Variants in SUSD4 observed in about 807,000 individuals in gnomAD.
SUSD4 encodes sushi domain containing 4, also known as sushi domain-containing protein 4.
Under a neutral mutation model 50.5 loss-of-function variants are expected in SUSD4, and 41 were observed. The observed-to-expected ratio is 0.81, with a 90% CI of 0.63 to 1.05. SUSD4 has a LOEUF of 1.05. SUSD4 is among the 50% of genes least tolerant of loss of function. The probability of loss-of-function intolerance (pLI) is 0.00; values close to 1 mark genes in which losing one functional copy is unlikely to be tolerated. For missense variants in SUSD4, 580 were observed against 634.7 expected, an observed-to-expected ratio of 0.91 and a Z score of 0.93; for synonymous variants, 257 against 257.3, an observed-to-expected ratio of 1.00 and a Z score of 0.01.
At chr1:223,304,757 G>A (rs376931627) in intron 2 of SUSD4, among the ~76,000 whole-genome samples, 9 of 128,714 alleles carry the variant, frequency 7.0e-5, no homozygotes, top group African/African-American at 2.5e-4. Flanking sequence ...GTGTAACTCT[G>A]GGTAAGTTCC....
intron 5 of SUSD4, chr1:223,264,111 A>T (rs1162391120): frequency 1.0e-6 from 1 of 985,340 alleles, no homozygotes; most frequent in Non-Finnish European, 1.2e-6. Flanking sequence ...ACTACTGATT[A>T]GTGGTCTTTC....
chr1:223,360,750 C>G (rs1310604979), intron 2 of SUSD4, among the ~76,000 whole-genome samples: 2 of 151,910 alleles, frequency 1.3e-5, no homozygotes, highest in African/African-American at 4.8e-5. Flanking sequence ...TGAAAGCAAT[C>G]AAAAATGAAA....
In SUSD4 at chr1:223,221,154, G is replaced by A. The variant is rs1351451242; in HGVS notation, c.*1038C>T. ...TCTGGGCTGGGAGGCCAGCCTCCTG[G>A]AATCTTAGGACAAATAAAAGGGGGA... On this transcript the variant is annotated 3_prime_UTR_variant, in exon 9 of 9. Coordinates refer to ENST00000366878, the MANE Select transcript of SUSD4 (RefSeq NM_017982.4). 2.5e-6 allele frequency: 1 copy of A among 400,816 alleles called. No individual in the cohort carries two copies. The highest frequency in any genetic ancestry group is 4.4e-5 in the Admixed American group (1 of 22,752). 24.8% of individuals were successfully genotyped at this position (400,816 alleles called of 1,614,324 possible). A position where few individuals can be genotyped will look rare whatever the true frequency, so the allele number is the denominator to read the frequency against.
intron 2 of SUSD4, among the ~76,000 whole-genome samples, chr1:223,311,312 C>G (rs1350674796): frequency 6.6e-6 from 1 of 152,180 alleles, no homozygotes; most frequent in Admixed American, 6.5e-5. Flanking sequence ...TGACGAAATA[C>G]CACCAGTTCC....
chr1:223,354,799 T>C (rs545630677), intron 2 of SUSD4, among the ~76,000 whole-genome samples: 2 of 152,334 alleles, frequency 1.3e-5, no homozygotes, highest in African/African-American at 4.8e-5. Flanking sequence ...GTTTCTTGCC[T>C]GGAGAAAATC....
intron 2 of SUSD4, among the ~76,000 whole-genome samples, chr1:223,300,899 C>T (rs1259355237): frequency 6.6e-6 from 1 of 152,070 alleles, no homozygotes. Flanking sequence ...GAGGAGGACA[C>T]TGAGGCTGTG....
chr1:223,321,282 A>G (rs1302224648), intron 2 of SUSD4, among the ~76,000 whole-genome samples: 1 of 152,238 alleles, frequency 6.6e-6, no homozygotes, highest in Non-Finnish European at 1.5e-5. Context: ...ACAGATGCAG[A>G]GACCTGCATG....
intron 3 of SUSD4, among the ~76,000 whole-genome samples, chr1:223,277,583 T>G (rs924278084): frequency 6.6e-6 from 1 of 152,088 alleles, no homozygotes; most frequent in African/African-American, 2.4e-5. Context: ...CCCAGAACAA[T>G]TAAAATAGAG....
intron 2 of SUSD4, among the ~76,000 whole-genome samples, chr1:223,319,136 C>G (rs1666419590): frequency 1.8e-5 from 1 of 56,146 alleles, no homozygotes; most frequent in Admixed American, 2.3e-4. Flanking sequence ...TTCCTTACAC[C>G]TTATACAAAA....
Position 223,222,173 on chromosome 1 carries a change from A to G in SUSD4, c.*19T>C, listed in dbSNP as rs1222545974. On this transcript the variant is annotated 3_prime_UTR_variant, in exon 9 of 9. Coordinates refer to ENST00000366878, the MANE Select transcript of SUSD4 (RefSeq NM_017982.4). ...CTTTCCCCGAAGGAGCAGGAGAGTC[A>G]TCTGGATCTTGACCCATATTAGGGA... is the stretch of plus-strand genomic sequence containing the variant. 6.2e-7 allele frequency: 1 copy of G among 1,612,990 alleles called. No individual in the cohort carries two copies. Among genetic ancestry groups the G allele is most frequent in the Non-Finnish European group, 8.5e-7 (1 of 1,179,510 alleles).
At chr1:223,327,959 C>A (rs1377074155) in intron 2 of SUSD4, among the ~76,000 whole-genome samples, 1 of 152,112 alleles carries the variant, frequency 6.6e-6, no homozygotes, top group Non-Finnish European at 1.5e-5. Flanking sequence ...GGAAAGAGTA[C>A]AGTAGGGAGA....
At chr1:223,302,425 C>T (rs1450775619) in intron 2 of SUSD4, among the ~76,000 whole-genome samples, 1 of 152,102 alleles carries the variant, frequency 6.6e-6, no homozygotes, top group East Asian at 1.9e-4. Flanking sequence ...GTATCTAGAC[C>T]AAGGCATCAG....
intron 2 of SUSD4, among the ~76,000 whole-genome samples, chr1:223,338,240 A>G (rs913906991): frequency 5.3e-5 from 8 of 152,208 alleles, no homozygotes; most frequent in Non-Finnish European, 8.8e-5. Context: ...TGGACTGAAA[A>G]TAATACAAGG....
intron 3 of SUSD4, among the ~76,000 whole-genome samples, chr1:223,284,648 C>A (rs1436900345): frequency 6.6e-6 from 1 of 152,102 alleles, no homozygotes; most frequent in Non-Finnish European, 1.5e-5. Context: ...AACTGTGGTA[C>A]ATAAATGCCA....
At chr1:223,338,892 C>T (rs1348097263) in intron 2 of SUSD4, among the ~76,000 whole-genome samples, 1 of 152,164 alleles carries the variant, frequency 6.6e-6, no homozygotes, top group African/African-American at 2.4e-5. Flanking sequence ...CATCTATGTC[C>T]TCATCAGAAC....
intron 4 of SUSD4, among the ~76,000 whole-genome samples, chr1:223,266,875 G>A (rs1662525931): frequency 6.6e-6 from 1 of 152,222 alleles, no homozygotes; most frequent in Non-Finnish European, 1.5e-5. Context: ...AGCAGCCAGT[G>A]AGCAACACTG....
chr1:223,362,619 A>T (rs1669048270), intron 2 of SUSD4, among the ~76,000 whole-genome samples: 1 of 152,218 alleles, frequency 6.6e-6, no homozygotes, highest in Non-Finnish European at 1.5e-5. Flanking sequence ...TCTACTTCAT[A>T]GAAGAGCAAC....
At chr1:223,344,472 C>T (rs1667923943) in intron 2 of SUSD4, among the ~76,000 whole-genome samples, 2 of 152,256 alleles carry the variant, frequency 1.3e-5, no homozygotes, top group South Asian at 4.2e-4. Context: ...TTGAGAATAA[C>T]AGTGGTCTGC....
chr1:223,363,334 G>A lies in SUSD4; in HGVS notation c.92C>T (p.Ala31Val). 6.2e-7 allele frequency: 1 copy of A among 1,610,322 alleles called. No homozygotes were observed. Among genetic ancestry groups the A allele is most frequent in the Admixed American group, 1.7e-5 (1 of 59,498 alleles). The change falls in exon 2 of 9, where the codon GCC becomes GTC. Residue 31 changes from alanine (A) to valine (V), a missense_variant. By Grantham distance (64) the Ala-to-Val change is moderately conservative. Coordinates refer to ENST00000366878, the MANE Select transcript of SUSD4 (RefSeq NM_017982.4). ...QQPQSPQRLL[A>V]VILWFQLALC... ...CGCCAGCTGAAACCACAGGATCACG[G>A]CCAAGAGTCTCTGGGGGGACTGAGG...
Sources: gnomAD v4.1 joint callset for allele counts (sites outside exome capture counted in the v4.1 genomes callset) on GRCh38, gnomAD v4.1.1 for gene constraint, MANE v1.5 for transcripts, NCBI Gene and HGNC (gene_info 2026-07-23, HGNC 2026-07-21) for gene names.